SPATA6L: variants seen among roughly 807,000 people sequenced by gnomAD.
The protein encoded by SPATA6L is spermatogenesis associated 6 like, also known as spermatogenesis associated 6-like protein.
SPATA6L carries 68 observed loss-of-function variants against 49.2 expected under a neutral mutation model. The observed-to-expected ratio is 1.38, with a 90% CI of 1.14 to 1.69. SPATA6L has a LOEUF of 1.69. SPATA6L is among the 40% of genes most tolerant of loss of function. The pLI, the probability that SPATA6L is intolerant of heterozygous loss-of-function variation, is 0.00. For synonymous variants in SPATA6L, 198 were observed against 165.7 expected (o/e 1.19, Z -1.50); for missense variants, 668 against 464.3 (o/e 1.44, Z -4.03).
Position 4,661,877 on chromosome 9 carries a change from C to A in SPATA6L, c.177+22G>T, listed in dbSNP as rs762545037. ...TCAGGTTATCTTCAGACAACAAAAGCCAATGAGAAAGTCAAGATCACCTTT... is the reference window on the plus strand; with the variant it reads ...TCAGGTTATCTTCAGACAACAAAAGACAATGAGAAAGTCAAGATCACCTTT... On this transcript the variant is annotated intron_variant, in intron 2 of 11. Transcript: ENST00000682582. 3.7e-6 allele frequency: 6 copies of A among 1,611,936 alleles called. No homozygotes were observed. In the South Asian group the frequency reaches 6.6e-5, roughly 18 times the overall value.
At chr9:4,660,201 G>A (rs1839282574) in intron 2 of SPATA6L, among the ~76,000 whole-genome samples, 1 of 152,152 alleles carries the variant, frequency 6.6e-6, no homozygotes, top group Non-Finnish European at 1.5e-5. Context: ...AAACTAAAGA[G>A]CTTCTGCACA....
chr9:4,661,983 G>A lies in SPATA6L; in HGVS notation c.93C>T (p.Val31=). 1 of 1,614,102 alleles carries A rather than the reference G, an allele frequency of 6.2e-7. No homozygotes were observed. The highest frequency in any genetic ancestry group is 8.5e-7 in the Non-Finnish European group (1 of 1,179,994). ...LPGKQDVYLG[V]YLMNQYLETN... is the part of the protein sequence containing the mutation. ...TCTCCAGGTACTGATTCATGAGGTAGACCCCGAGGTACACATCTTGTTTGC... is the reference window on the plus strand; with the variant it reads ...TCTCCAGGTACTGATTCATGAGGTAAACCCCGAGGTACACATCTTGTTTGC... Residue 31 remains valine (V), a synonymous_variant, in exon 2 of 12, where the codon GTC becomes GTT. Coordinates refer to ENST00000682582, the MANE Select transcript of SPATA6L (RefSeq NM_001353486.2).
At chr9:4,615,010 C>A (rs1275593171) in intron 9 of SPATA6L, among the ~76,000 whole-genome samples, 2 of 152,122 alleles carry the variant, frequency 1.3e-5, no homozygotes, top group Non-Finnish European at 2.9e-5. Context: ...CCCCTCAAAC[C>A]TTTGAGTCCT....
intron 7 of SPATA6L, 151 bp from the exon 8 acceptor site, chr9:4,619,049 A>G: frequency 1.5e-6 from 1 of 664,478 alleles, no homozygotes; most frequent in South Asian, 2.1e-5. Flanking sequence ...TTACACTATC[A>G]CTTTTAAGTC....
At chr9:4,639,712 C>A (rs926361413) in intron 3 of SPATA6L, among the ~76,000 whole-genome samples, 5 of 152,196 alleles carry the variant, frequency 3.3e-5, no homozygotes, top group Non-Finnish European at 7.4e-5. Context: ...ACAGTGACAT[C>A]ATCAATGGCA....
intron 2 of SPATA6L, among the ~76,000 whole-genome samples, chr9:4,657,105 C>T (rs929262400): frequency 6.6e-6 from 1 of 152,180 alleles, no homozygotes; most frequent in Non-Finnish European, 1.5e-5. Context: ...AATAAAGGTA[C>T]ACCCTGTCTT....
At chr9:4,636,695 C>A (rs1209213729) in intron 3 of SPATA6L, among the ~76,000 whole-genome samples, 3 of 152,200 alleles carry the variant, frequency 2.0e-5, no homozygotes, top group Admixed American at 6.5e-5. Flanking sequence ...GACCTTACAT[C>A]AAATAATATG....
Position 4,599,740 on chromosome 9 carries a change from G to A in SPATA6L, c.*1071C>T, listed in dbSNP as rs2129999292. ...TTTATAGGGCACTAATCTCATTTATGAGGGGTCCACCCTCACAACCTCATC... is the reference window on the plus strand; with the variant it reads ...TTTATAGGGCACTAATCTCATTTATAAGGGGTCCACCCTCACAACCTCATC... On this transcript the variant is annotated 3_prime_UTR_variant, in exon 12 of 12. Coordinates refer to ENST00000682582, the MANE Select transcript of SPATA6L (RefSeq NM_001353486.2). Among the ~76,000 whole-genome samples the A allele has an allele frequency of 6.6e-6, 1 of 152,292 alleles. No individual in the cohort carries two copies. The highest frequency in any genetic ancestry group is 1.9e-4 in the East Asian group (1 of 5,188).
rs565621713 is a variant in SPATA6L at position 4,660,759 on chromosome 9, T to C, written c.177+1140A>G. Among the ~76,000 whole-genome samples, 14 of 152,298 alleles carry C rather than the reference T, an allele frequency of 9.2e-5. No homozygotes were observed. The East Asian group carries it at 2.5e-3, about 27-fold the overall frequency. ...ATGTTTATTGCAGCACTATTCACAATAGCAAAGACTTGGAACCAACCCAAA... is the reference window on the plus strand; with the variant it reads ...ATGTTTATTGCAGCACTATTCACAACAGCAAAGACTTGGAACCAACCCAAA... On this transcript the variant is annotated intron_variant, in intron 2 of 11. Coordinates refer to ENST00000682582, the MANE Select transcript of SPATA6L (RefSeq NM_001353486.2).
At chr9:4,613,771 A>G (rs1827326304) in intron 9 of SPATA6L, among the ~76,000 whole-genome samples, 1 of 152,046 alleles carries the variant, frequency 6.6e-6, no homozygotes, top group Admixed American at 6.6e-5. Context: ...TTTCGTAGAG[A>G]CGGGGTTTTG....
chr9:4,604,806 C>T (rs1398201021), intron 10 of SPATA6L, among the ~76,000 whole-genome samples: 6 of 152,126 alleles, frequency 3.9e-5, no homozygotes, highest in East Asian at 1.9e-4. Flanking sequence ...AGCAGGTGAA[C>T]TGCCACTTAG....
chr9:4,611,398 C>A (rs975794778), intron 9 of SPATA6L, among the ~76,000 whole-genome samples: 2 of 148,744 alleles, frequency 1.3e-5, no homozygotes, highest in Non-Finnish European at 2.9e-5. Flanking sequence ...GGAACCAACC[C>A]AAATGTCCAA....
chr9:4,595,525 T>C (rs1045572801), downstream of SPATA6L, among the ~76,000 whole-genome samples: 1 of 152,216 alleles, frequency 6.6e-6, no homozygotes, highest in Non-Finnish European at 1.5e-5. Context: ...TTGAAAATAC[T>C]CGCCTGAATA....
Position 4,604,162 on chromosome 9 carries a change from C to G in SPATA6L, c.*1+17G>C. On this transcript the variant is annotated intron_variant, in intron 11 of 11. Coordinates refer to ENST00000682582, the MANE Select transcript of SPATA6L (RefSeq NM_001353486.2). ...TAAGGAGAAGCACTTAAGCTGCTTACTTACATAAGACAGTACCTTAAAAAT... is the reference window on the plus strand; with the variant it reads ...TAAGGAGAAGCACTTAAGCTGCTTAGTTACATAAGACAGTACCTTAAAAAT... The G allele has an allele frequency of 6.4e-7, 1 of 1,557,884 alleles. No homozygotes were observed. Among genetic ancestry groups the G allele is most frequent in the Non-Finnish European group, 8.8e-7 (1 of 1,140,216 alleles).
chr9:4,663,386 G>C, intron 1 of SPATA6L: 1 of 1,010,044 alleles, frequency 9.9e-7, no homozygotes, highest in South Asian at 1.5e-5. Context: ...TGGGATTTCA[G>C]GTGTCCCATG....
chr9:4,631,973 T>A (rs180698969), intron 4 of SPATA6L, among the ~76,000 whole-genome samples: 20 of 150,458 alleles, frequency 1.3e-4, no homozygotes, highest in Non-Finnish European at 2.8e-4. Flanking sequence ...AACAGGATAA[T>A]CCATGTAATG....
Position 4,635,285 on chromosome 9 carries a change from A to G in SPATA6L, c.341T>C (p.Leu114Pro). Residue 114 changes from leucine to proline, a missense_variant, in exon 4 of 12, where the codon CTG (leucine) becomes CCG (proline). By Grantham distance (98) the Leu-to-Pro change is moderately conservative (BLOSUM62 -3). Transcript: ENST00000682582. ...RCREVLMKTA[L>P]GFPGIAPKIE... ...GCATGAATCACTTACTGGAAAACCC[A>G]GAGCCGTCTTCATGAGCACCTCCCT... 1.3e-6 allele frequency: 2 copies of G among 1,527,660 alleles called. No individual in the cohort carries two copies. Among genetic ancestry groups the G allele is most frequent in the Middle Eastern group, 3.4e-4 (2 of 5,802 alleles). 94.6% of individuals were successfully genotyped at this position (1,527,660 alleles called of 1,614,324 possible).
At chr9:4,644,685 T>TCTCTCTCTCACA (rs1438618515) in intron 3 of SPATA6L, among the ~76,000 whole-genome samples, 1 of 107,680 alleles carries the variant, frequency 9.3e-6, no homozygotes, top group African/African-American at 3.8e-5. Context: ...TCTCTCTCTC[T>TCTCTCTCTCACA]CACACACACA....
intron 3 of SPATA6L, among the ~76,000 whole-genome samples, chr9:4,638,342 G>T (rs879935647): frequency 9.2e-5 from 14 of 151,942 alleles, no homozygotes; most frequent in Admixed American, 9.2e-4. Context: ...CTCCCAAGCA[G>T]CTGGGACTAG....
Sources: allele counts gnomAD v4.1 joint callset (sites outside exome capture counted in the v4.1 genomes callset), GRCh38; gene constraint gnomAD v4.1.1; transcripts MANE v1.5; gene names NCBI Gene and HGNC (gene_info 2026-07-23, HGNC 2026-07-21).